The following OR11G2 variants were observed in gnomAD, a reference collection of about 807,000 sequenced individuals.
OR11G2 encodes olfactory receptor family 11 subfamily G member 2, also known as olfactory receptor 11G2.
OR11G2 carries 2 observed loss-of-function variants against 0.9 expected under a neutral mutation model. That is an observed-to-expected ratio of 2.35 (90% CI 0.96 to 7.38). OR11G2 has a LOEUF of 7.38. Ranked by LOEUF, OR11G2 falls within the 30% of genes most tolerant of loss-of-function variation. The pLI is 0.05. For missense variants in OR11G2, 395 were observed against 371.3 expected (o/e 1.06, Z -0.52); for synonymous variants, 153 against 142.0 (o/e 1.08, Z -0.55).
rs140250053 is a variant in OR11G2 at position 20,197,111 on chromosome 14, A to T, written c.-4-323A>T. 2.6e-5 allele frequency among the ~76,000 whole-genome samples: 4 copies of T among 152,334 alleles called. No individual in the cohort carries two copies. The South Asian group carries it at 6.2e-4, about 24-fold the overall frequency. ...ATATTTATACAAAGGCTCTTGAAGG[A>T]AAGTGTTGTAAACATGCCTGAAAAT... On this transcript the variant is annotated intron_variant, in intron 1 of 1. Transcript: ENST00000641879.
chr14:20,200,379 C>A lies in OR11G2; in HGVS notation c.*2006C>A, dbSNP rs1879878755. 6.6e-6 allele frequency: 1 copy of A among 152,138 alleles called. No homozygotes were observed. Among genetic ancestry groups the A allele is most frequent in the Non-Finnish European group, 1.5e-5 (1 of 68,010 alleles). The allele number at this position is 152,138 out of a possible 1,614,324, so 9.4% of individuals were successfully genotyped here. A position where few individuals can be genotyped will look rare whatever the true frequency, so the allele number is the denominator to read the frequency against. ...TGAGCAAAAGGATATAAACGAATAA[C>A]ATCCAGAAAAAGATTCTTAAACATG... On this transcript the variant is annotated 3_prime_UTR_variant, in exon 2 of 2. Transcript: ENST00000641879.
rs1879803611 is a variant in OR11G2 at position 20,197,875 on chromosome 14, C to A, written c.438C>A (p.Thr146=). 1.2e-6 allele frequency: 2 copies of A among 1,614,002 alleles called. No individual in the cohort carries two copies. Among genetic ancestry groups the A allele is most frequent in the Admixed American group, 3.3e-5 (2 of 59,996 alleles). The change falls in exon 2 of 2, where the codon ACC becomes ACA. Residue 146 remains threonine, a synonymous_variant. Transcript: ENST00000641879. ...YPTIMTRRLC[T]NLVVNCWVLG... ...CCATTATGACCAGACGTCTCTGTAC[C>A]AATCTTGTGGTCAATTGCTGGGTAC...
At chr14:20,196,482 A>T (rs1195824665) in intron 1 of OR11G2, among the ~76,000 whole-genome samples, 1 of 152,210 alleles carries the variant, frequency 6.6e-6, no homozygotes, top group African/African-American at 2.4e-5. Context: ...TTTCACAAAG[A>T]TATTCTAATT....
chr14:20,193,080 T>C (rs968393817), intron 1 of OR11G2, among the ~76,000 whole-genome samples: 1 of 152,062 alleles, frequency 6.6e-6, no homozygotes. Flanking sequence ...GTCCCCTCTG[T>C]TTGTTTTTTG....
chr14:20,197,518 G>A lies in OR11G2; in HGVS notation c.81G>A (p.Gly27=), dbSNP rs138827087. 2.3e-4 allele frequency: 371 copies of A among 1,614,008 alleles called. 1 individual carries two copies. The highest frequency in any genetic ancestry group is 1.4e-3 in the East Asian group (65 of 44,878). Reference sequence around the variant, plus strand: ...TGGGCTTCCCTTGCCCCAGGGAGGGGCAGATCCTCCTCTTTGTGCTCTTCA... The same window carrying A: ...TGGGCTTCCCTTGCCCCAGGGAGGGACAGATCCTCCTCTTTGTGCTCTTCA... ...ILLGFPCPRE[G]QILLFVLFTV... is the part of the protein sequence containing the mutation. The change falls in exon 2 of 2, where the codon GGG becomes GGA. Residue 27 remains glycine (G), a synonymous_variant. Coordinates refer to ENST00000641879, the MANE Select transcript of OR11G2 (RefSeq NM_001386033.1).
In OR11G2 at chr14:20,190,943, C is replaced by T. The variant is rs111969420; in HGVS notation, c.-728C>T. On this transcript the variant is annotated 5_prime_UTR_variant, in exon 1 of 2. Transcript: ENST00000641879. ...CATCCTCCAGCAAACACCAAGAGAC[C>T]TTCTCCCTATTTCTGCTCCTTCATT... 0.03 allele frequency: 4,504 copies of T among 152,378 alleles called. 161 individuals are homozygous for T. The highest frequency in any genetic ancestry group is 0.18 in the East Asian group (913 of 5,168). 9.4% of individuals were successfully genotyped at this position (152,378 alleles called of 1,614,324 possible).
chr14:20,197,864 C>T lies in OR11G2; in HGVS notation c.427C>T (p.Arg143Cys), dbSNP rs373437110. 39 of 1,614,102 alleles carry T rather than the reference C, an allele frequency of 2.4e-5. No individual in the cohort carries two copies. The highest frequency in any genetic ancestry group is 5.3e-5 in the African/African-American group (4 of 75,012). The change falls in exon 2 of 2, where the codon CGT becomes TGT. Residue 143 changes from arginine to cysteine, a missense_variant. Arg to Cys is a radical substitution (Grantham distance 180). Coordinates refer to ENST00000641879, the MANE Select transcript of OR11G2 (RefSeq NM_001386033.1). The part of the protein sequence containing the change: ...PLRYPTIMTR[R>C]LCTNLVVNCW... ...ACGCTATCCAACCATTATGACCAGA[C>T]GTCTCTGTACCAATCTTGTGGTCAA...
intron 1 of OR11G2, among the ~76,000 whole-genome samples, chr14:20,192,466 A>G (rs1879672580): frequency 6.6e-6 from 1 of 152,210 alleles, no homozygotes; most frequent in Non-Finnish European, 1.5e-5. Flanking sequence ...AAAGCTGTGG[A>G]ACAATAATTA....
At chr14:20,196,686 T>TG (rs1220104689) in intron 1 of OR11G2, among the ~76,000 whole-genome samples, 1 of 152,226 alleles carries the variant, frequency 6.6e-6, no homozygotes. Context: ...AATTATATCT[T>TG]TAACTATAGT....
chr14:20,195,755 G>A (rs1056132255), intron 1 of OR11G2, among the ~76,000 whole-genome samples: 2 of 152,084 alleles, frequency 1.3e-5, no homozygotes, highest in Non-Finnish European at 2.9e-5. Flanking sequence ...TGCAGGGGAG[G>A]AAAAAATTTT....
rs1428539774 is a variant in OR11G2, at chr14:20,198,840, G to A, written c.*467G>A. 1 of 152,420 alleles carries A rather than the reference G, an allele frequency of 6.6e-6. No homozygotes were observed. The allele number at this position is 152,420 out of a possible 1,614,324, so 9.4% of individuals were successfully genotyped here. A position where few individuals can be genotyped will look rare whatever the true frequency, so the allele number is the denominator to read the frequency against. On this transcript the variant is annotated 3_prime_UTR_variant, in exon 2 of 2. Coordinates refer to ENST00000641879, the MANE Select transcript of OR11G2 (RefSeq NM_001386033.1). ...TCTGTTATTTCTCCTTTCAGATCTT[G>A]ATTATTTGCCCAGTTGTGTAACATG...
At position 20,198,152 on chromosome 14, in the gene OR11G2, A is replaced by G. The variant is rs1879815854; in HGVS notation, c.715A>G (p.Arg239Gly). ...VLRVPSAAGR[R>G]KAFSTCGSHL... is the part of the protein sequence containing the mutation. ...GAGGGTCCCTTCAGCAGCTGGGAGA[A>G]GAAAGGCTTTCTCCACCTGTGGGTC... Residue 239 changes from arginine to glycine, a missense_variant, in exon 2 of 2, where the codon AGA becomes GGA. Transcript: ENST00000641879. The G allele has an allele frequency of 6.2e-7, 1 of 1,614,046 alleles. No individual in the cohort carries two copies. The highest frequency in any genetic ancestry group is 1.3e-5 in the African/African-American group (1 of 74,930).
Position 20,198,686 on chromosome 14 carries a change from G to A in OR11G2, c.*313G>A, listed in dbSNP as rs371181151. On this transcript the variant is annotated 3_prime_UTR_variant, in exon 2 of 2. Transcript: ENST00000641879. ...GGAGCTTGCAGTGAGCCGAGATCGCGCCACTGCACTCAAGCCTGGGCGACA... is the reference window on the plus strand; with the variant it reads ...GGAGCTTGCAGTGAGCCGAGATCGCACCACTGCACTCAAGCCTGGGCGACA... The A allele has an allele frequency of 3.0e-4, 49 of 161,452 alleles. No homozygotes were observed. The East Asian group carries it at 3.2e-3, about 11-fold the overall frequency. The allele number at this position is 161,452 out of a possible 1,614,324, so 10.0% of individuals were successfully genotyped here.
intron 1 of OR11G2, among the ~76,000 whole-genome samples, chr14:20,193,110 T>G (rs985098084): frequency 6.6e-6 from 1 of 152,118 alleles, no homozygotes; most frequent in Non-Finnish European, 1.5e-5. Flanking sequence ...GTTTGTTGTT[T>G]TGGTTTTTGT....
At chr14:20,192,468 C>T in intron 1 of OR11G2, among the ~76,000 whole-genome samples, 1 of 152,166 alleles carries the variant, frequency 6.6e-6, no homozygotes, top group East Asian at 1.9e-4. Flanking sequence ...AGCTGTGGAA[C>T]AATAATTATC....
chr14:20,193,387 A>G, intron 1 of OR11G2, among the ~76,000 whole-genome samples: 1 of 152,150 alleles, frequency 6.6e-6, no homozygotes. Context: ...CTCCTAAAAC[A>G]CAGGGGTTAC....
Position 20,197,778 on chromosome 14 carries a change from C to T in OR11G2, c.341C>T (p.Thr114Ile), listed in dbSNP as rs1333819586. Residue 114 changes from threonine (T) to isoleucine (I), a missense_variant, in exon 2 of 2, where the codon ACA (threonine) becomes ATA (isoleucine). Coordinates refer to ENST00000641879, the MANE Select transcript of OR11G2 (RefSeq NM_001386033.1). ...TACTTTTTCTTCTCCTTGGGCTCTA[C>T]AGAATGCTTTTTCCTGGCAGTTATG... The part of the protein sequence containing the change: ...QFYFFFSLGS[T>I]ECFFLAVMAF... 15 of 1,614,024 alleles carry T rather than the reference C, an allele frequency of 9.3e-6. No homozygotes were observed. The highest frequency in any genetic ancestry group is 1.2e-5 in the Non-Finnish European group (14 of 1,179,926).
chr14:20,194,889 C>T (rs185413934), intron 1 of OR11G2, among the ~76,000 whole-genome samples: 1 of 152,126 alleles, frequency 6.6e-6, no homozygotes, highest in Non-Finnish European at 1.5e-5. Context: ...ATGAGTGAAA[C>T]TGGTGCAGAG....
At chr14:20,195,292 C>A (rs1566352880) in intron 1 of OR11G2, among the ~76,000 whole-genome samples, 1 of 152,146 alleles carries the variant, frequency 6.6e-6, no homozygotes, top group Non-Finnish European at 1.5e-5. Context: ...GTAATCCCAG[C>A]ACTTTGGGAG....
Sources: allele counts gnomAD v4.1 joint callset (sites outside exome capture counted in the v4.1 genomes callset), GRCh38; gene constraint gnomAD v4.1.1; transcripts MANE v1.5; gene names NCBI Gene and HGNC (gene_info 2026-07-23, HGNC 2026-07-21).